The following SH3RF3 variants were observed in gnomAD, a reference collection of about 807,000 sequenced individuals.
SH3RF3 encodes the protein E3 ubiquitin-protein ligase SH3RF3.
A neutral mutation model predicts 66.3 loss-of-function variants in SH3RF3; 29 were observed. That is an observed-to-expected ratio of 0.44 (90% CI 0.33 to 0.60). The LOEUF is 0.60. Among genes scored for constraint, SH3RF3 ranks in the 20% least tolerant of loss-of-function variants. The pLI, the probability that SH3RF3 is intolerant of heterozygous loss-of-function variation, is 0.04. For synonymous variants in SH3RF3, 583 were observed against 532.0 expected (o/e 1.10, Z -1.32); for missense variants, 1,194 against 1,190.9 (o/e 1.00, Z -0.04).
chr2:109,368,860 G>A (rs1683202550), intron 2 of SH3RF3, among the ~76,000 whole-genome samples: 1 of 152,144 alleles, frequency 6.6e-6, no homozygotes, highest in South Asian at 2.1e-4. Context: ...GGAAGCCTTT[G>A]GTTATCTCTC....
At position 109,367,416 on chromosome 2, in the gene SH3RF3, G is replaced by A. The variant is rs189373164; in HGVS notation, c.850-4170G>A. 8.2e-3 allele frequency among the ~76,000 whole-genome samples: 1,252 copies of A among 152,178 alleles called. 7 individuals are homozygous for A. Among genetic ancestry groups the A allele is most frequent in the Non-Finnish European group, 0.014 (928 of 68,016 alleles). ...CCTGCCTCAGCCTCACAAGTAGCTG[G>A]GACTACAGGCACACGGCCTCATGCC... On this transcript the variant is annotated intron_variant, in intron 2 of 9. Transcript: ENST00000309415.
chr2:109,151,051 A>G (rs1304866824), intron 1 of SH3RF3, among the ~76,000 whole-genome samples: 1 of 152,204 alleles, frequency 6.6e-6, no homozygotes, highest in African/African-American at 2.4e-5. Flanking sequence ...GCTTTTATGG[A>G]TAATATTGCA....
At chr2:109,145,412 G>C (rs1042561697) in intron 1 of SH3RF3, among the ~76,000 whole-genome samples, 1 of 152,118 alleles carries the variant, frequency 6.6e-6, no homozygotes, top group African/African-American at 2.4e-5. Context: ...GTTCATTCCT[G>C]CTGTTGGCTC....
intron 1 of SH3RF3, among the ~76,000 whole-genome samples, chr2:109,320,079 A>G (rs901303593): frequency 6.6e-6 from 1 of 152,082 alleles, no homozygotes; most frequent in Admixed American, 6.6e-5. Flanking sequence ...GTGGCCTCTT[A>G]TGGTCCCTTC....
chr2:109,280,964 C>T (rs558895427), intron 1 of SH3RF3, among the ~76,000 whole-genome samples: 1 of 152,314 alleles, frequency 6.6e-6, no homozygotes, highest in South Asian at 2.1e-4. Context: ...CCCTAGGTGG[C>T]AGTGGTGATG....
chr2:109,283,843 T>C (rs1680952851), intron 1 of SH3RF3, among the ~76,000 whole-genome samples: 1 of 152,230 alleles, frequency 6.6e-6, no homozygotes, highest in South Asian at 2.1e-4. Context: ...GTCTTGCTGC[T>C]GAGCCACTGG....
At chr2:109,219,804 T>G (rs1679189829) in intron 1 of SH3RF3, among the ~76,000 whole-genome samples, 1 of 152,224 alleles carries the variant, frequency 6.6e-6, no homozygotes, top group Admixed American at 6.5e-5. Flanking sequence ...ATGCATCTCT[T>G]GTTCATGGAT....
At chr2:109,339,397 C>T (rs1682504967) in intron 1 of SH3RF3, among the ~76,000 whole-genome samples, 1 of 151,964 alleles carries the variant, frequency 6.6e-6, no homozygotes, top group African/African-American at 2.4e-5. Context: ...GCCTTTAGTC[C>T]CCTCCTTCTC....
At chr2:109,446,283 C>T (rs1308115502) in intron 7 of SH3RF3, among the ~76,000 whole-genome samples, 1 of 152,116 alleles carries the variant, frequency 6.6e-6, no homozygotes, top group African/African-American at 2.4e-5. Flanking sequence ...CTTTTTTCCT[C>T]AGAGACTCAC....
intron 1 of SH3RF3, among the ~76,000 whole-genome samples, chr2:109,262,431 C>G (rs1312045053): frequency 6.6e-6 from 1 of 152,198 alleles, no homozygotes; most frequent in Non-Finnish European, 1.5e-5. Context: ...CTGGGAACCT[C>G]TCATGGTGCC....
chr2:109,260,849 A>G lies in SH3RF3; in HGVS notation c.574-86825A>G, dbSNP rs539036585. Among the ~76,000 whole-genome samples the G allele has an allele frequency of 3.3e-5, 5 of 152,266 alleles. No individual in the cohort carries two copies. In the South Asian group the frequency reaches 1.0e-3, roughly 32 times the overall value. On this transcript the variant is annotated intron_variant, in intron 1 of 9. Transcript: ENST00000309415. ...GACTTCTTCCTCCCCTACAGAGAGTAATGGAAGGTAAATGGTTGAAGCCAG... is the reference window on the plus strand; with the variant it reads ...GACTTCTTCCTCCCCTACAGAGAGTGATGGAAGGTAAATGGTTGAAGCCAG...
chr2:109,152,838 A>T lies in SH3RF3; in HGVS notation c.573+22725A>T, dbSNP rs1677255592. The stretch of plus-strand genomic sequence containing the variant: ...CTCTCACATGGGCCCTCTCACAGTG[A>T]ATATCACCTGTCTTTCAAACTTTAA... On this transcript the variant is annotated intron_variant, in intron 1 of 9. Coordinates refer to ENST00000309415, the MANE Select transcript of SH3RF3 (RefSeq NM_001099289.3). Among the ~76,000 whole-genome samples, 6 of 152,124 alleles carry T rather than the reference A, an allele frequency of 3.9e-5. No homozygotes were observed. In the South Asian group the frequency reaches 1.0e-3, roughly 26 times the overall value.
intron 1 of SH3RF3, among the ~76,000 whole-genome samples, chr2:109,217,855 C>T (rs1368936910): frequency 6.6e-6 from 1 of 152,216 alleles, no homozygotes; most frequent in African/African-American, 2.4e-5. Context: ...GAGCCCCCAT[C>T]TCCCCCATAC....
chr2:109,337,853 G>T (rs772454361), intron 1 of SH3RF3, among the ~76,000 whole-genome samples: 1 of 151,734 alleles, frequency 6.6e-6, no homozygotes, highest in African/African-American at 2.4e-5. Context: ...TCAGCCTCCC[G>T]AGTAGCTGGG....
chr2:109,267,186 T>G (rs2105307825), intron 1 of SH3RF3, among the ~76,000 whole-genome samples: 1 of 152,152 alleles, frequency 6.6e-6, no homozygotes, highest in South Asian at 2.1e-4. Flanking sequence ...CATGTGTGCT[T>G]AGGTTTCGTC....
intron 8 of SH3RF3, among the ~76,000 whole-genome samples, chr2:109,483,792 AGGCGCT>A (rs958105311): frequency 5.3e-5 from 8 of 152,096 alleles, no homozygotes; most frequent in African/African-American, 1.9e-4. Flanking sequence ...CCCAGGCTGC[AGGCGCT>A]GGGGTTGCCT....
At chr2:109,462,537 A>C (rs1191070561) in intron 8 of SH3RF3, among the ~76,000 whole-genome samples, 1 of 152,064 alleles carries the variant, frequency 6.6e-6, no homozygotes, top group Non-Finnish European at 1.5e-5. Flanking sequence ...GGTGAGAATC[A>C]CCACCCCTGT....
rs72822669 is a variant in SH3RF3 at position 109,214,858 on chromosome 2, G to A, written c.573+84745G>A. Among the ~76,000 whole-genome samples, 1,371 of 152,300 alleles carry A rather than the reference G, an allele frequency of 9.0e-3. 5 individuals are homozygous for A. Among genetic ancestry groups the A allele is most frequent in the Non-Finnish European group, 0.013 (887 of 68,024 alleles). On this transcript the variant is annotated intron_variant, in intron 1 of 9. Coordinates refer to ENST00000309415, the MANE Select transcript of SH3RF3 (RefSeq NM_001099289.3). ...AGTTCCAAGGGCTGCTGGGGGTGAC[G>A]CGGACAGCAGTGTTTTGGGAGATCT...
At chr2:109,152,174 T>G (rs910654904) in intron 1 of SH3RF3, among the ~76,000 whole-genome samples, 6 of 152,232 alleles carry the variant, frequency 3.9e-5, no homozygotes, top group African/African-American at 1.4e-4. Context: ...CTAGGAAAAG[T>G]GCTCAGCGTC....
Sources: gnomAD v4.1 joint callset for allele counts (sites outside exome capture counted in the v4.1 genomes callset) on GRCh38, gnomAD v4.1.1 for gene constraint, MANE v1.5 for transcripts, NCBI Gene and HGNC (gene_info 2026-07-23, HGNC 2026-07-21) for gene names.